DSG1: variants seen among roughly 807,000 people sequenced by gnomAD.
DSG1 encodes the protein desmoglein 1.
A neutral mutation model predicts 97.5 loss-of-function variants in DSG1; 39 were observed. The ratio of observed to expected loss-of-function variants is 0.40; its 90% CI spans 0.31 to 0.52. The LOEUF is 0.52. Ranked by LOEUF, DSG1 falls within the 20% of genes least tolerant of loss-of-function variation. The probability of loss-of-function intolerance (pLI) is 0.53; values close to 1 mark genes in which losing one functional copy is unlikely to be tolerated. For synonymous variants in DSG1, 475 were observed against 443.4 expected, an observed-to-expected ratio of 1.07 and a Z score of -0.90; for missense variants, 1,311 against 1,295.4, an observed-to-expected ratio of 1.01 and a Z score of -0.18.
rs201280195 is a variant in DSG1, at chr18:31,329,921, C to T, written c.402C>T (p.Gly134=). 2.2e-5 allele frequency: 36 copies of T among 1,613,222 alleles called. No homozygotes were observed. In the African/African-American group the frequency reaches 4.4e-4, roughly 20 times the overall value. ...ACTGCCGAGCTCTGAACTCAATGGG[C>T]CAAGATTTAGAGAGGCCTCTAGAGC... ...IIYCRALNSM[G]QDLERPLELR... Residue 134 remains glycine, a synonymous_variant, in exon 5 of 15, where the codon GGC becomes GGT. Coordinates refer to ENST00000257192, the MANE Select transcript of DSG1 (RefSeq NM_001942.4).
chr18:31,318,468 G>T (rs1044646349), intron 1 of DSG1, 120 bp downstream of exon 1: 13 of 832,360 alleles, frequency 1.6e-5, no homozygotes, highest in Non-Finnish European at 2.1e-5. Flanking sequence ...GTATATTAAT[G>T]ACAAGATGAT....
In DSG1 at chr18:31,354,229, T is replaced by C. The variant is rs141574617; in HGVS notation, c.2101-68T>C. On this transcript the variant is annotated intron_variant, in intron 14 of 14. Coordinates refer to ENST00000257192, the MANE Select transcript of DSG1 (RefSeq NM_001942.4). ...AATGCTCTGGAAGAAAAACTAATGA[T>C]AAAGGCTGTTCTATTATTGTTAAAT... 4.3e-6 allele frequency: 6 copies of C among 1,394,414 alleles called. No homozygotes were observed. The African/African-American group carries it at 7.1e-5, about 16-fold the overall frequency. 86.4% of individuals were successfully genotyped at this position (1,394,414 alleles called of 1,614,324 possible).
intron 6 of DSG1, among the ~76,000 whole-genome samples, chr18:31,332,818 A>T (rs1039387021): frequency 2.6e-5 from 4 of 152,168 alleles, no homozygotes; most frequent in African/African-American, 9.7e-5. Context: ...AATCAACATT[A>T]GAAGAAATTG....
In DSG1 at chr18:31,359,048, C is replaced by T. The variant is rs2071981271; in HGVS notation, c.*3702C>T. ...CCTAGTCTAACTTATTTTTCTTTTG[C>T]TGTCGTTTTACAAGCATTTTAAAAT... On this transcript the variant is annotated 3_prime_UTR_variant, in exon 15 of 15. Transcript: ENST00000257192. 6.6e-6 allele frequency among the ~76,000 whole-genome samples: 1 copy of T among 152,062 alleles called. No individual in the cohort carries two copies. Among genetic ancestry groups the T allele is most frequent in the Non-Finnish European group, 1.5e-5 (1 of 67,972 alleles).
intron 13 of DSG1, 149 bp downstream of exon 13, chr18:31,344,144 A>G (rs889556940): frequency 2.9e-5 from 20 of 684,238 alleles, no homozygotes; most frequent in Non-Finnish European, 5.0e-5. Context: ...ATTAAATGGC[A>G]AGGAAAAACC....
intron 1 of DSG1, among the ~76,000 whole-genome samples, chr18:31,325,439 T>C (rs1165845393): frequency 6.6e-6 from 1 of 152,118 alleles, no homozygotes; most frequent in Non-Finnish European, 1.5e-5. Context: ...CCATCTCCCA[T>C]CCCACACTCA....
chr18:31,333,207 C>T (rs1000269096), intron 6 of DSG1, among the ~76,000 whole-genome samples: 1 of 152,134 alleles, frequency 6.6e-6, no homozygotes, highest in Non-Finnish European at 1.5e-5. Context: ...GCTTTGTTAT[C>T]TGTTTATATG....
At position 31,355,480 on chromosome 18, in the gene DSG1, G is replaced by C; in HGVS notation, c.*134G>C. 1.1e-6 allele frequency: 1 copy of C among 893,872 alleles called. No individual in the cohort carries two copies. Among genetic ancestry groups the C allele is most frequent in the Non-Finnish European group, 1.8e-6 (1 of 566,854 alleles). The allele number at this position is 893,872 out of a possible 1,614,324, so 55.4% of individuals were successfully genotyped here. On this transcript the variant is annotated 3_prime_UTR_variant, in exon 15 of 15. Coordinates refer to ENST00000257192, the MANE Select transcript of DSG1 (RefSeq NM_001942.4). ...TAGGAGCAAGGTGAGAAATCACAAT[G>C]AGAAAAATAAATGGAAACACCACTG... is the stretch of plus-strand genomic sequence containing the variant.
chr18:31,343,342 C>G (rs1273158079), intron 11 of DSG1, 108 bp from the exon 12 acceptor site: 2 of 1,501,092 alleles, frequency 1.3e-6, no homozygotes, highest in Non-Finnish European at 1.8e-6. Context: ...ATTTTAGAAC[C>G]AACCAGAATT....
intron 11 of DSG1, among the ~76,000 whole-genome samples, chr18:31,342,815 C>T (rs566248312): frequency 5.9e-5 from 9 of 151,916 alleles, no homozygotes; most frequent in African/African-American, 1.7e-4. Context: ...ACCTTTTCAT[C>T]TTTCCTTGTT....
chr18:31,346,954 A>G (rs964990771), intron 14 of DSG1, among the ~76,000 whole-genome samples: 8 of 152,166 alleles, frequency 5.3e-5, no homozygotes, highest in Non-Finnish European at 5.9e-5. Context: ...TGGGAAGAGC[A>G]TGAAGCCTGG....
At chr18:31,326,195 G>T (rs546388206) in intron 1 of DSG1, among the ~76,000 whole-genome samples, 15 of 151,682 alleles carry the variant, frequency 9.9e-5, no homozygotes, top group Non-Finnish European at 1.8e-4. Flanking sequence ...ACTATAAAAA[G>T]AACTTTTTTA....
At chr18:31,335,428 C>G (rs1416428359) in intron 8 of DSG1, among the ~76,000 whole-genome samples, 1 of 152,092 alleles carries the variant, frequency 6.6e-6, no homozygotes, top group Non-Finnish European at 1.5e-5. Context: ...TTCAACCTAT[C>G]TGTCCTCAAT....
intron 6 of DSG1, 127 bp from the exon 7 acceptor site, chr18:31,333,462 C>A (rs2071732676): frequency 1.8e-6 from 2 of 1,083,198 alleles, no homozygotes; most frequent in Non-Finnish European, 2.8e-6. Context: ...TTCCCATATT[C>A]TGTGTTAACC....
At position 31,343,518 on chromosome 18, in the gene DSG1, GT is replaced by G; in HGVS notation, c.1758del (p.Glu588AsnfsTer12). 1 of 1,614,162 alleles carries G rather than the reference GT, an allele frequency of 6.2e-7. No homozygotes were observed. Among genetic ancestry groups the G allele is most frequent in the Non-Finnish European group, 8.5e-7 (1 of 1,180,036 alleles). ...APRSAAGFEP[V>X]PECSDGAIHS... ...TCGTAGTGCAGCTGGCTTTGAGCCT[GT>G]TCCCGAATGTTCAGATGGAGCAATT... On this transcript the variant is annotated frameshift_variant, in exon 12 of 15. Transcript: ENST00000257192. LOFTEE classifies it high-confidence loss of function.
rs16961682 is a variant in DSG1 at position 31,338,600 on chromosome 18, C to T, written c.1405+146C>T. The T allele has an allele frequency of 1.5e-3, 1,178 of 791,140 alleles. 8 individuals are homozygous for T. In the African/African-American group the frequency reaches 0.019, roughly 13 times the overall value. The allele number at this position is 791,140 out of a possible 1,614,324, so 49.0% of individuals were successfully genotyped here. ...CATTATAGACTCATATCTTTAACAA[C>T]TTGAGGCAGTATAATTTAGTAGCTA... On this transcript the variant is annotated intron_variant, in intron 10 of 14. Coordinates refer to ENST00000257192, the MANE Select transcript of DSG1 (RefSeq NM_001942.4).
At chr18:31,341,654 G>A (rs1490038696) in intron 11 of DSG1, among the ~76,000 whole-genome samples, 1 of 152,096 alleles carries the variant, frequency 6.6e-6, no homozygotes, top group East Asian at 1.9e-4. Flanking sequence ...AGAGAAAAGG[G>A]AAAGAGAGAA....
At chr18:31,338,975 C>T (rs544541756) in intron 10 of DSG1, among the ~76,000 whole-genome samples, 1 of 152,222 alleles carries the variant, frequency 6.6e-6, no homozygotes, top group South Asian at 2.1e-4. Flanking sequence ...TCTAGGGTTA[C>T]ATCGATTAAT....
intron 11 of DSG1, 184 bp from the exon 12 acceptor site, chr18:31,343,266 T>G (rs559128037): frequency 1.3e-6 from 1 of 780,478 alleles, no homozygotes; most frequent in African/African-American, 1.7e-5. Context: ...TGCAGTCTAA[T>G]ATACAGAAGC....
Sources: allele counts gnomAD v4.1 joint callset (sites outside exome capture counted in the v4.1 genomes callset), GRCh38; gene constraint gnomAD v4.1.1; transcripts MANE v1.5; gene names NCBI Gene and HGNC (gene_info 2026-07-23, HGNC 2026-07-21).